The following MYCBP2 variants were observed in gnomAD, a reference collection of about 807,000 sequenced individuals.
MYCBP2 encodes the protein E3 ubiquitin-protein ligase MYCBP2.
Under a neutral mutation model 525.3 loss-of-function variants are expected in MYCBP2, and 120 were observed. The observed-to-expected ratio is 0.23, with a 90% CI of 0.20 to 0.27. MYCBP2 has a LOEUF of 0.27. Among genes scored for constraint, MYCBP2 ranks in the 10% least tolerant of loss-of-function variants. The probability of loss-of-function intolerance (pLI) is 1.00; values close to 1 mark genes in which losing one functional copy is unlikely to be tolerated. For missense variants in MYCBP2, 4,149 were observed against 5,657.1 expected (o/e 0.73, Z 8.55); for synonymous variants, 1,894 against 1,955.8 (o/e 0.97, Z 0.83).
At chr13:77,315,586 C>T (rs1422675071) in intron 1 of MYCBP2, among the ~76,000 whole-genome samples, 3 of 152,260 alleles carry the variant, frequency 2.0e-5, no homozygotes, top group Admixed American at 2.0e-4. Flanking sequence ...AAACTCAATA[C>T]ACATTTATAA....
chr13:77,261,986 C>A, intron 11 of MYCBP2, 67 bp downstream of exon 11: 1 of 1,245,780 alleles, frequency 8.0e-7, no homozygotes. Flanking sequence ...ATAAACTAAT[C>A]AACAGATTGT....
At chr13:77,212,401 T>TAC (rs2064145416) in intron 21 of MYCBP2, among the ~76,000 whole-genome samples, 4 of 152,190 alleles carry the variant, frequency 2.6e-5, no homozygotes, top group Non-Finnish European at 5.9e-5. Context: ...AAAAAAAAGT[T>TAC]TGAAATATTT....
intron 82 of MYCBP2, among the ~76,000 whole-genome samples, chr13:77,050,439 A>G (rs2036549632): frequency 6.6e-6 from 1 of 152,090 alleles, no homozygotes. Context: ...CACCGTTGCC[A>G]CTAGCCTCCT....
intron 3 of MYCBP2, among the ~76,000 whole-genome samples, chr13:77,283,742 C>T (rs1046750813): frequency 1.3e-5 from 2 of 151,888 alleles, no homozygotes; most frequent in African/African-American, 4.8e-5. Context: ...ACTAAAAATA[C>T]AAAAAGTATC....
rs2035312366 is a variant in MYCBP2, at chr13:77,045,172, A to G, written c.*206T>C. On this transcript the variant is annotated 3_prime_UTR_variant, in exon 83 of 83. Coordinates refer to ENST00000544440, the MANE Select transcript of MYCBP2 (RefSeq NM_015057.5). ...TCACAAGTTTGATGTCATTTGTTCA[A>G]AAGAAGATAAACCAAAATAATGGGG... The G allele has an allele frequency of 4.1e-6, 2 of 484,080 alleles. No homozygotes were observed. Among genetic ancestry groups the G allele is most frequent in the Non-Finnish European group, 7.3e-6 (2 of 274,522 alleles). 30.0% of individuals were successfully genotyped at this position (484,080 alleles called of 1,614,324 possible).
intron 52 of MYCBP2, among the ~76,000 whole-genome samples, chr13:77,133,509 A>T (rs972742020): frequency 2.0e-5 from 3 of 152,182 alleles, no homozygotes; most frequent in African/African-American, 4.8e-5. Flanking sequence ...CCTTATCCTT[A>T]AGTAGCTTAA....
intron 38 of MYCBP2, 149 bp from the exon 39 acceptor site, chr13:77,169,863 C>T (rs928484145): frequency 1.5e-6 from 1 of 679,152 alleles, no homozygotes. Context: ...TGGTACTATT[C>T]TAAAGGCTTT....
chr13:77,078,545 A>T (rs2042727791), intron 66 of MYCBP2, among the ~76,000 whole-genome samples: 1 of 152,166 alleles, frequency 6.6e-6, no homozygotes, highest in Admixed American at 6.5e-5. Flanking sequence ...AAATTTTAAG[A>T]TACCCTGAGT....
At chr13:77,283,533 C>A (rs1359591473) in intron 3 of MYCBP2, among the ~76,000 whole-genome samples, 2 of 152,138 alleles carry the variant, frequency 1.3e-5, no homozygotes, top group Admixed American at 6.5e-5. Flanking sequence ...AAGTCTAAAT[C>A]TTTTAATAAT....
chr13:77,223,838 C>T (rs2065906447), intron 20 of MYCBP2, among the ~76,000 whole-genome samples: 1 of 152,164 alleles, frequency 6.6e-6, no homozygotes, highest in African/African-American at 2.4e-5. Context: ...GTTCACATGG[C>T]CACATCCTGC....
Position 77,176,600 on chromosome 13 carries a change from G to A in MYCBP2, c.5369C>T (p.Ser1790Phe). The A allele has an allele frequency of 1.3e-6, 2 of 1,579,774 alleles. No individual in the cohort carries two copies. Among genetic ancestry groups the A allele is most frequent in the Non-Finnish European group, 1.7e-6 (2 of 1,158,958 alleles). ...DSEHAGDSTHSHRWTSLELVK... is the reference protein window; with the variant it reads ...DSEHAGDSTHFHRWTSLELVK... The stretch of plus-strand genomic sequence containing the variant: ...TAATTCCAGAGATGTCCATCTGTGG[G>A]AATGAGTTGAATCTCCTGCATGTTC... The change falls in exon 36 of 83, where the codon TCC becomes TTC. Residue 1790 changes from serine to phenylalanine, a missense_variant. Ser to Phe is a radical substitution (Grantham distance 155). Coordinates refer to ENST00000544440, the MANE Select transcript of MYCBP2 (RefSeq NM_015057.5).
At chr13:77,256,239 T>C (rs1001296506) in intron 14 of MYCBP2, among the ~76,000 whole-genome samples, 3 of 152,052 alleles carry the variant, frequency 2.0e-5, no homozygotes, top group African/African-American at 7.2e-5. Context: ...GAAGATAATA[T>C]ACGCCAGAAA....
chr13:77,139,088 G>T (rs1433265906), intron 52 of MYCBP2, 108 bp downstream of exon 52: 52 of 1,215,514 alleles, frequency 4.3e-5, no homozygotes, highest in Non-Finnish European at 5.6e-5. Context: ...TAAAGTAAAG[G>T]TTACTTAGTT....
rs543263215 is a variant in MYCBP2, at chr13:77,253,777, A to C, written c.2177-2422T>G. Among the ~76,000 whole-genome samples, 13 of 152,124 alleles carry C rather than the reference A, an allele frequency of 8.5e-5. No individual in the cohort carries two copies. The South Asian group carries it at 2.7e-3, about 32-fold the overall frequency. On this transcript the variant is annotated intron_variant, in intron 14 of 82. Coordinates refer to ENST00000544440, the MANE Select transcript of MYCBP2 (RefSeq NM_015057.5). ...ATCATTTCATAGCCACCAAACTGAC[A>C]AAAATCAGTCTGTCAATATCAGATG...
At chr13:77,221,984 A>C (rs565334676) in intron 20 of MYCBP2, among the ~76,000 whole-genome samples, 12 of 152,330 alleles carry the variant, frequency 7.9e-5, no homozygotes, top group African/African-American at 2.9e-4. Flanking sequence ...CCATGTTAAT[A>C]GTTGTTATAC....
In MYCBP2 at chr13:77,261,333, C is replaced by T. The variant is rs2073230513; in HGVS notation, c.1690G>A (p.Gly564Ser). 6.2e-7 allele frequency: 1 copy of T among 1,612,338 alleles called. No homozygotes were observed. The highest frequency in any genetic ancestry group is 1.7e-5 in the Admixed American group (1 of 59,814). The change falls in exon 12 of 83, where the codon GGT becomes AGT. Residue 564 changes from glycine to serine, a missense_variant. By Grantham distance (56) the Gly-to-Ser change is moderately conservative (BLOSUM62 0). Transcript: ENST00000544440. ...ACCCATTTTCCTGCTGAAGGACCAC[C>T]TTGTTTGATTCCAAGACTCTGGTAT... ...GKYQSLGIKQ[G>S]GPSAGKWVEL...
At position 77,183,541 on chromosome 13, in the gene MYCBP2, C is replaced by CTTTTTTTTTTTTTTT. The variant is rs60927409; in HGVS notation, c.4719+1547_4719+1561dup. 7.6e-5 allele frequency among the ~76,000 whole-genome samples: 5 copies of CTTTTTTTTTTTTTTT among 66,076 alleles called. 2 individuals carry two copies. Among genetic ancestry groups the CTTTTTTTTTTTTTTT allele is most frequent in the African/African-American group, 2.1e-4 (3 of 14,112 alleles). The allele number at this position is 66,076 out of a possible 152,430, so 43.3% of individuals were successfully genotyped here. A position where few individuals can be genotyped will look rare whatever the true frequency, so the allele number is the denominator to read the frequency against. Reference sequence around the variant, plus strand: ...TTGTTTATAGTGATAGTCCCTATTTCTTTTTTTTTTTTTTTTTTTTTTTTT... The same window carrying CTTTTTTTTTTTTTTT: ...TTGTTTATAGTGATAGTCCCTATTTCTTTTTTTTTTTTTTTTTTTTTTTTTTTTTTTTTTTTTTTT... On this transcript the variant is annotated intron_variant, in intron 32 of 82. Coordinates refer to ENST00000544440, the MANE Select transcript of MYCBP2 (RefSeq NM_015057.5).
chr13:77,141,906 C>G (rs1353985281), intron 49 of MYCBP2, among the ~76,000 whole-genome samples: 2 of 151,984 alleles, frequency 1.3e-5, no homozygotes, highest in South Asian at 2.1e-4. Context: ...AAGGTCGCAG[C>G]CCATTGATGG....
At chr13:77,222,865 G>T (rs2065785596) in intron 20 of MYCBP2, among the ~76,000 whole-genome samples, 1 of 152,182 alleles carries the variant, frequency 6.6e-6, no homozygotes, top group Non-Finnish European at 1.5e-5. Context: ...CTATGTGAAG[G>T]TAAGTTCTCT....
Sources: allele counts gnomAD v4.1 joint callset (sites outside exome capture counted in the v4.1 genomes callset), GRCh38; gene constraint gnomAD v4.1.1; transcripts MANE v1.5; gene names NCBI Gene and HGNC (gene_info 2026-07-23, HGNC 2026-07-21).